The following CAPS2 variants were observed in gnomAD, a reference collection of about 807,000 sequenced individuals.
CAPS2 encodes the protein calcyphosine 2, also known as calcyphosin-2.
CAPS2 carries 98 observed loss-of-function variants against 86.5 expected under a neutral mutation model. The ratio of observed to expected loss-of-function variants is 1.13; its 90% CI spans 0.96 to 1.34. The LOEUF (loss-of-function observed/expected upper bound fraction) is 1.34. Among genes scored for constraint, CAPS2 ranks in the 40% most tolerant of loss-of-function variants. The pLI, the probability that CAPS2 is intolerant of heterozygous loss-of-function variation, is 0.00. For missense variants in CAPS2, 729 were observed against 686.8 expected (o/e 1.06, Z -0.69); for synonymous variants, 210 against 225.1 (o/e 0.93, Z 0.60).
At chr12:75,291,491 A>G (rs2035857781) in intron 13 of CAPS2, among the ~76,000 whole-genome samples, 4 of 60,548 alleles carry the variant, frequency 6.6e-5, no homozygotes, top group Non-Finnish European at 1.4e-4. Flanking sequence ...ATATATATAT[A>G]TATATATATA....
At chr12:75,334,718 C>A (rs150675525), upstream of CAPS2, 2 of 1,610,518 alleles carry the variant, frequency 1.2e-6, no homozygotes, top group Non-Finnish European at 1.7e-6. Context: ...CCGCATCCTC[C>A]ACATCCTTCC....
intron 8 of CAPS2, among the ~76,000 whole-genome samples, chr12:75,301,573 T>A (rs191738928): frequency 1.9e-3 from 285 of 152,374 alleles, no homozygotes; most frequent in African/African-American, 6.5e-3. Flanking sequence ...TTAATACTTA[T>A]AATAACTCTG....
chr12:75,381,844 A>G (rs1391452781), intron 1 of CAPS2, among the ~76,000 whole-genome samples: 1 of 150,766 alleles, frequency 6.6e-6, no homozygotes, highest in African/African-American at 2.4e-5. Context: ...CGATCTCCTG[A>G]CCTCGTGATC....
chr12:75,282,877 T>G (rs2034227100), intron 15 of CAPS2, among the ~76,000 whole-genome samples: 1 of 152,110 alleles, frequency 6.6e-6, no homozygotes, highest in Admixed American at 6.6e-5. Context: ...ATTAGAAAGT[T>G]CTACCACTTT....
chr12:75,330,904 C>G (rs1228071849), upstream of CAPS2, among the ~76,000 whole-genome samples: 1 of 151,968 alleles, frequency 6.6e-6, no homozygotes, highest in Non-Finnish European at 1.5e-5. Context: ...CCTGCCCCAG[C>G]CTCCCAAGTA....
intron 11 of CAPS2, among the ~76,000 whole-genome samples, chr12:75,296,758 C>T (rs1351135015): frequency 6.6e-6 from 1 of 151,780 alleles, no homozygotes; most frequent in Non-Finnish European, 1.5e-5. Flanking sequence ...CAAAACAGAA[C>T]ACCACCACCA....
At chr12:75,311,116 C>T (rs1273982635) in intron 7 of CAPS2, among the ~76,000 whole-genome samples, 1 of 152,082 alleles carries the variant, frequency 6.6e-6, no homozygotes, top group African/African-American at 2.4e-5. Flanking sequence ...ATGAGAAATT[C>T]CTGGAAGGTT....
intron 1 of CAPS2, among the ~76,000 whole-genome samples, chr12:75,348,537 T>C (rs563269065): frequency 6.6e-6 from 1 of 152,334 alleles, no homozygotes; most frequent in East Asian, 1.9e-4. Context: ...ACATTTATTA[T>C]CATCTTTTCT....
Position 75,321,588 on chromosome 12 carries a change from A to G in CAPS2, c.292-12T>C, listed in dbSNP as rs928672621. ...ATTATGTTCTGATCCTATAGGTAAA[A>G]AGAAAAAAGCATGCTATCAGAAAAA... On this transcript the variant is annotated splice_polypyrimidine_tract_variant and intron_variant, in intron 4 of 16. Transcript: ENST00000393284. 3 of 1,526,592 alleles carry G rather than the reference A, an allele frequency of 2.0e-6. No homozygotes were observed. Among genetic ancestry groups the G allele is most frequent in the African/African-American group, 1.4e-5 (1 of 71,670 alleles). The allele number at this position is 1,526,592 out of a possible 1,614,324, so 94.6% of individuals were successfully genotyped here.
upstream of CAPS2, chr12:75,335,022 A>G (rs2041627246): frequency 1.0e-6 from 1 of 952,728 alleles, no homozygotes; most frequent in African/African-American, 1.7e-5. Flanking sequence ...ATGCAGTTAA[A>G]AAGAAAAAAA....
At position 75,284,956 on chromosome 12, in the gene CAPS2, G is replaced by A; in HGVS notation, c.1515+5C>T. The A allele has an allele frequency of 1.3e-6, 2 of 1,593,494 alleles. No individual in the cohort carries two copies. Among genetic ancestry groups the A allele is most frequent in the African/African-American group, 1.3e-5 (1 of 74,200 alleles). On this transcript the variant is annotated splice_donor_5th_base_variant and intron_variant, in intron 15 of 16. Coordinates refer to ENST00000393284, the Ensembl canonical transcript of CAPS2. Reference sequence around the variant, plus strand: ...ACAATTTGAAAGATTACTTAACAAAGTTACCTTTCGAACATATGATTTCCT... The same window carrying A: ...ACAATTTGAAAGATTACTTAACAAAATTACCTTTCGAACATATGATTTCCT...
Position 75,278,736 on chromosome 12 carries a change from T to C in CAPS2, c.*154A>G, listed in dbSNP as rs995606701. The C allele has an allele frequency of 3.8e-6, 5 of 1,329,020 alleles. No individual in the cohort carries two copies. In the African/African-American group the frequency reaches 7.5e-5, roughly 20 times the overall value. The allele number at this position is 1,329,020 out of a possible 1,614,324, so 82.3% of individuals were successfully genotyped here. On this transcript the variant is annotated 3_prime_UTR_variant, in exon 17 of 17. Coordinates refer to ENST00000393284, the Ensembl canonical transcript of CAPS2. ...GATAGTTCTCTTTCCAAATTCAACA[T>C]TTTTGAGAAAACAAAACAAAACAAA...
chr12:75,299,817 T>C lies in CAPS2; in HGVS notation c.854+20A>G. ...TTTTTATAATCATAGGATTAAAAAT[T>C]TTAATAAAATCACAATTACCGTGAT... On this transcript the variant is annotated intron_variant, in intron 9 of 16. Transcript: ENST00000393284. 7.7e-7 allele frequency: 1 copy of C among 1,305,048 alleles called. No individual in the cohort carries two copies. The highest frequency in any genetic ancestry group is 1.1e-6 in the Non-Finnish European group (1 of 931,556). The allele number at this position is 1,305,048 out of a possible 1,614,324, so 80.8% of individuals were successfully genotyped here.
intron 16 of CAPS2, among the ~76,000 whole-genome samples, chr12:75,281,706 C>T (rs1314822194): frequency 1.3e-5 from 2 of 151,888 alleles, no homozygotes; most frequent in African/African-American, 2.4e-5. Context: ...TAGTCAAATG[C>T]TTTCTTTATA....
exon 7 of CAPS2, chr12:75,312,873 G>T: frequency 6.2e-7 from 1 of 1,604,488 alleles, no homozygotes. Context: ...ATCATCACTT[G>T]CTCTGCAACA....
chr12:75,282,386 G>C (rs377146183), intron 15 of CAPS2, 39 bp from the exon 16 acceptor site: 32 of 1,357,972 alleles, frequency 2.4e-5, no homozygotes, highest in Non-Finnish European at 3.4e-5. Context: ...TTTGTTGGTT[G>C]GTTGTTTTGC....
upstream of CAPS2, among the ~76,000 whole-genome samples, chr12:75,331,140 T>C (rs1326577816): frequency 6.6e-6 from 1 of 152,016 alleles, no homozygotes; most frequent in African/African-American, 2.4e-5. Context: ...TCCTCATCTA[T>C]AAAGGGAAAA....
At chr12:75,299,075 G>A in intron 9 of CAPS2, 109 bp from the exon 10 acceptor site, 2 of 655,582 alleles carry the variant, frequency 3.1e-6, no homozygotes, top group African/African-American at 1.8e-5. Flanking sequence ...TTATGTATGT[G>A]GCAATGAGTG....
At chr12:75,341,671 C>T (rs1302308833) in intron 1 of CAPS2, among the ~76,000 whole-genome samples, 1 of 151,618 alleles carries the variant, frequency 6.6e-6, no homozygotes, top group African/African-American at 2.4e-5. Flanking sequence ...CGGTCACGAT[C>T]TCCTGATCTC....
Sources: gnomAD v4.1 joint callset for allele counts (sites outside exome capture counted in the v4.1 genomes callset) on GRCh38, gnomAD v4.1.1 for gene constraint, MANE v1.5 for transcripts, NCBI Gene and HGNC (gene_info 2026-07-23, HGNC 2026-07-21) for gene names.